BRD8: variants seen among roughly 807,000 people sequenced by gnomAD.
BRD8 encodes bromodomain-containing protein 8.
In BRD8, 67 loss-of-function variants were observed where a neutral mutation model predicts 143.1. That is an observed-to-expected ratio of 0.47 (90% CI 0.38 to 0.57). BRD8 has a LOEUF of 0.57. Ranked by LOEUF, BRD8 falls within the 20% of genes least tolerant of loss-of-function variation. BRD8 has a pLI of 0.00. For missense variants in BRD8, 1,103 were observed against 1,503.0 expected (o/e 0.73, Z 4.40); for synonymous variants, 505 against 517.1 (o/e 0.98, Z 0.32).
intron 21 of BRD8, among the ~76,000 whole-genome samples, chr5:138,151,912 T>C (rs990605975): frequency 2.0e-5 from 3 of 152,150 alleles, no homozygotes; most frequent in Non-Finnish European, 4.4e-5. Context: ...TGGAGTGCAA[T>C]GGTGTGATCT....
In BRD8 at chr5:138,145,231, A is replaced by T; in HGVS notation, c.3383T>A (p.Phe1128Tyr). 6.2e-7 allele frequency: 1 copy of T among 1,613,994 alleles called. No individual in the cohort carries two copies. The highest frequency in any genetic ancestry group is 8.5e-7 in the Non-Finnish European group (1 of 1,179,972). Residue 1128 changes from phenylalanine (F) to tyrosine (Y), a missense_variant, in exon 25 of 27, where the codon TTT becomes TAT. Physicochemically the swap from Phe to Tyr is conservative, Grantham distance 22. Around this residue, in one of 7 missense-constraint regions of BRD8, gnomAD observed 369 missense variants for 445.5 expected, o/e 0.83. Transcript: ENST00000254900. ...CTGCCTTTCTGACACAGGCTTCAGA[A>T]ATGGACTGCTGAACCTGTTAAGGGA... ...MIASHRFSSPFLKPVSERQAP... is the reference protein window; with the variant it reads ...MIASHRFSSPYLKPVSERQAP...
intron 25 of BRD8, among the ~76,000 whole-genome samples, chr5:138,143,913 G>A (rs1378548783): frequency 6.6e-6 from 1 of 152,150 alleles, no homozygotes; most frequent in Non-Finnish European, 1.5e-5. Context: ...ATAAAAGCTG[G>A]CCCCTCAAGG....
At chr5:138,140,910 A>C in intron 25 of BRD8, 28 bp from the exon 26 acceptor site, 1 of 1,611,448 alleles carries the variant, frequency 6.2e-7, no homozygotes, top group Non-Finnish European at 8.5e-7. Flanking sequence ...AAAACAAAGA[A>C]AATCAAACCT....
intron 8 of BRD8, chr5:138,168,824 G>A (rs1261505020): frequency 3.2e-6 from 2 of 617,894 alleles, no homozygotes; most frequent in Non-Finnish European, 5.6e-6. Context: ...TATCCCTCCT[G>A]CTCTTAGCCA....
intron 24 of BRD8, 134 bp downstream of exon 24, chr5:138,145,655 G>A (rs1374269333): frequency 8.4e-6 from 6 of 712,518 alleles, no homozygotes; most frequent in East Asian, 2.7e-5. Flanking sequence ...GGGATAAATC[G>A]GGCTTAGATA....
At chr5:138,175,720 C>T (rs1754266316) in intron 2 of BRD8, among the ~76,000 whole-genome samples, 1 of 150,226 alleles carries the variant, frequency 6.7e-6, no homozygotes, top group African/African-American at 2.4e-5. Flanking sequence ...AAAGTTCAGC[C>T]TGGGCAACAT....
intron 20 of BRD8, among the ~76,000 whole-genome samples, chr5:138,155,390 A>T (rs1752543618): frequency 6.6e-6 from 1 of 150,858 alleles, no homozygotes; most frequent in Non-Finnish European, 1.5e-5. Context: ...CGGAGGTTGC[A>T]GTGAGCCGAG....
chr5:138,162,367 T>A (rs577921275), intron 15 of BRD8, among the ~76,000 whole-genome samples: 6 of 152,046 alleles, frequency 3.9e-5, no homozygotes, highest in African/African-American at 1.4e-4. Flanking sequence ...GCTAATTTTT[T>A]AATTTTTTTG....
intron 13 of BRD8, 62 bp from the exon 14 acceptor site, chr5:138,164,195 C>T: frequency 6.3e-7 from 1 of 1,588,518 alleles, no homozygotes; most frequent in Non-Finnish European, 8.6e-7. Context: ...TTCCTATGGA[C>T]CATAATCCCC....
In BRD8 at chr5:138,171,144, T is replaced by G; in HGVS notation, c.253A>C (p.Lys85Gln). The change falls in exon 5 of 27, where the codon AAG becomes CAG. Residue 85 changes from lysine (K) to glutamine (Q), a missense_variant. By Grantham distance (53) the Lys-to-Gln change is moderately conservative. Transcript: ENST00000254900. ...TETPKRKRGE[K>Q]GEVVETVEDV... ...TCAACAGTTTCCACCACTTCTCCCT[T>G]TTCACCTCGTTTCCGTCTGTGGAAA... 1 of 1,611,684 alleles carries G rather than the reference T, an allele frequency of 6.2e-7. No individual in the cohort carries two copies. Among genetic ancestry groups the G allele is most frequent in the Non-Finnish European group, 8.5e-7 (1 of 1,179,362 alleles).
chr5:138,140,698 A>G lies in BRD8; in HGVS notation c.3615+7T>C. 1 of 1,612,182 alleles carries G rather than the reference A, an allele frequency of 6.2e-7. No individual in the cohort carries two copies. Among genetic ancestry groups the G allele is most frequent in the East Asian group, 2.2e-5 (1 of 44,884 alleles). On this transcript the variant is annotated splice_region_variant and intron_variant, in intron 26 of 26. Transcript: ENST00000254900. ...TTCCAGAGGCTACAGGTATCTGCATACAGTACCTGAATCTGCTCCAGGACT... is the reference window on the plus strand; with the variant it reads ...TTCCAGAGGCTACAGGTATCTGCATGCAGTACCTGAATCTGCTCCAGGACT...
Position 138,154,738 on chromosome 5 carries a change from C to CA in BRD8, c.2578-1979dup, listed in dbSNP as rs1752508539. Among the ~76,000 whole-genome samples, 3 of 152,158 alleles carry CA rather than the reference C, an allele frequency of 2.0e-5. No homozygotes were observed. The South Asian group carries it at 6.2e-4, about 32-fold the overall frequency. ...AGACTTTGACTATTAGACCAGGCTC[C>CA]AGTGTGACATATTGTCTAAATATTT... On this transcript the variant is annotated intron_variant, in intron 20 of 26. Transcript: ENST00000254900.
In BRD8 at chr5:138,149,670, G is replaced by A. The variant is rs1008717641; in HGVS notation, c.3248C>T (p.Thr1083Ile). The change falls in exon 23 of 27, where the codon ACA (threonine) becomes ATA (isoleucine). Residue 1083 changes from threonine to isoleucine, a missense_variant. Thr to Ile is a moderately conservative substitution (Grantham distance 89). This residue lies in a region of BRD8 where 369 missense variants were observed against 445.5 expected (regional missense o/e 0.83). Transcript: ENST00000254900. Reference protein sequence around the residue: ...FNIKETPLVDTLFSHATSSKL... With the variant: ...FNIKETPLVDILFSHATSSKL... Reference sequence around the variant, plus strand: ...TGAGGAGGTAGCATGGCTGAAAAGTGTATCCACCAAGGGAGTCTCCTTAAT... The same window carrying A: ...TGAGGAGGTAGCATGGCTGAAAAGTATATCCACCAAGGGAGTCTCCTTAAT... 1.2e-6 allele frequency: 2 copies of A among 1,610,488 alleles called. No homozygotes were observed. Among genetic ancestry groups the A allele is most frequent in the South Asian group, 2.2e-5 (2 of 90,308 alleles).
chr5:138,163,659 T>C (rs1436729890), intron 14 of BRD8: 2 of 1,379,372 alleles, frequency 1.4e-6, no homozygotes, highest in African/African-American at 2.9e-5. Context: ...TACAAAGTTA[T>C]CAAAAATAAT....
chr5:138,161,905 G>A (rs766925595), intron 16 of BRD8, 41 bp from the exon 17 acceptor site: 1 of 1,606,522 alleles, frequency 6.2e-7, no homozygotes, highest in African/African-American at 1.3e-5. Context: ...ACATTCTCCA[G>A]AAGTGCAGGG....
rs370546983 is a variant in BRD8, at chr5:138,169,282, T to G, written c.582A>C (p.Pro194=). The change falls in exon 8 of 27, where the codon CCA becomes CCC. Residue 194 remains proline (P), a synonymous_variant. Transcript: ENST00000254900. ...MVRSPIDSAS[P]GGDYPLGDLT... Reference sequence around the variant, plus strand: ...AGTCCCCAAGTGGATAATCACCTCCTGGGGAGGCAGAATCTATAGGAGAGC... The same window carrying G: ...AGTCCCCAAGTGGATAATCACCTCCGGGGGAGGCAGAATCTATAGGAGAGC... The G allele has an allele frequency of 4.3e-6, 7 of 1,614,088 alleles. 1 individual carries two copies. The Middle Eastern group carries it at 4.9e-4, about 114-fold the overall frequency.
rs375561867 is a variant in BRD8 at position 138,140,690 on chromosome 5, A to G, written c.3615+15T>C. 1.1e-5 allele frequency: 18 copies of G among 1,611,200 alleles called. No homozygotes were observed. In the African/African-American group the frequency reaches 2.1e-4, roughly 19 times the overall value. ...AATCAAGATTCCAGAGGCTACAGGT[A>G]TCTGCATACAGTACCTGAATCTGCT... On this transcript the variant is annotated intron_variant, in intron 26 of 26. Transcript: ENST00000254900.
Position 138,139,943 on chromosome 5 carries a change from G to A in BRD8, c.*131C>T. The A allele has an allele frequency of 1.5e-6, 1 of 676,566 alleles. No individual in the cohort carries two copies. Among genetic ancestry groups the A allele is most frequent in the African/African-American group, 1.8e-5 (1 of 55,728 alleles). 41.9% of individuals were successfully genotyped at this position (676,566 alleles called of 1,614,324 possible). ...GTCCACATGCATCTTTGACTCGTTG[G>A]TTGTGAGTTAAGGTATTATTCTTGT... On this transcript the variant is annotated 3_prime_UTR_variant, in exon 27 of 27. Coordinates refer to ENST00000254900, the MANE Select transcript of BRD8 (RefSeq NM_139199.2).
At chr5:138,156,201 G>A (rs927056345) in intron 20 of BRD8, among the ~76,000 whole-genome samples, 4 of 150,890 alleles carry the variant, frequency 2.7e-5, no homozygotes, top group Admixed American at 6.6e-5. Flanking sequence ...GTGCAGTGAC[G>A]CGATCTCAGC....
Sources: allele counts gnomAD v4.1 joint callset (sites outside exome capture counted in the v4.1 genomes callset), GRCh38; gene constraint gnomAD v4.1.1; regional missense constraint gnomAD v4.1.1; transcripts MANE v1.5; gene names NCBI Gene and HGNC (gene_info 2026-07-23, HGNC 2026-07-21).